RP1L1: variants seen among roughly 807,000 people sequenced by gnomAD.
The protein encoded by RP1L1 is retinitis pigmentosa 1-like 1 protein.
RP1L1 carries 27 observed loss-of-function variants against 15.7 expected under a neutral mutation model. The ratio of observed to expected loss-of-function variants is 1.72; its 90% CI spans 1.27 to 2.38. RP1L1 has a LOEUF of 2.38. Among genes scored for constraint, RP1L1 ranks in the 30% most tolerant of loss-of-function variants. RP1L1 has a pLI of 0.00. For synonymous variants in RP1L1, 1,813 were observed against 1,276.7 expected (o/e 1.42, Z -8.96); for missense variants, 4,798 against 3,075.9 (o/e 1.56, Z -13.24).
chr8:10,627,276 GACAA>G (rs1484225889), intron 1 of RP1L1, among the ~76,000 whole-genome samples: 1 of 152,132 alleles, frequency 6.6e-6, no homozygotes, highest in Non-Finnish European at 1.5e-5. Context: ...ATGCGATATA[GACAA>G]ACAAAGGAGA....
rs771342366 is a variant in RP1L1, at chr8:10,611,639, G to T, written c.2459C>A (p.Pro820His). 4 of 1,612,928 alleles carry T rather than the reference G, an allele frequency of 2.5e-6. No homozygotes were observed. Among genetic ancestry groups the T allele is most frequent in the Non-Finnish European group, 2.5e-6 (3 of 1,179,868 alleles). Residue 820 changes from proline to histidine, a missense_variant, in exon 4 of 4, where the codon CCC becomes CAC. Coordinates refer to ENST00000382483, the MANE Select transcript of RP1L1 (RefSeq NM_178857.6). The part of the protein sequence containing the change: ...VGRPEQGAVG[P>H]HRSHCCSQPG... ...CTGTGAGCAGCAGTGGCTTCGGTGG[G>T]GGCCCACCGCCCCTTGCTCAGGCCG... is the stretch of plus-strand genomic sequence containing the variant.
rs201260689 is a variant in RP1L1, at chr8:10,622,680, A to G, written c.522T>C (p.Asn174=). Residue 174 remains asparagine, a synonymous_variant, in exon 2 of 4, where the codon AAT becomes AAC. Coordinates refer to ENST00000382483, the MANE Select transcript of RP1L1 (RefSeq NM_178857.6). ...CGAGAAAGGCGGCCAGGTTCCTAGT[A>G]TTCCTGTGACTGAGAACCACTGTCT... ...LQQTVVLSHR[N]TRNLAAFLGK... The G allele has an allele frequency of 2.1e-5, 34 of 1,614,052 alleles. No homozygotes were observed. Among genetic ancestry groups the G allele is most frequent in the Non-Finnish European group, 2.6e-5 (31 of 1,180,044 alleles).
chr8:10,610,120 T>G lies in RP1L1; in HGVS notation c.3978A>C (p.Lys1326Asn). 6.3e-6 allele frequency: 9 copies of G among 1,439,362 alleles called. 2 individuals carry two copies. The highest frequency in any genetic ancestry group is 7.4e-6 in the Non-Finnish European group (8 of 1,084,648). The allele number at this position is 1,439,362 out of a possible 1,614,324, so 89.2% of individuals were successfully genotyped here. ...QEEAVQLEET[K>N]TEEGLQEEGV... ...CCTCTTCTTGCAGCCCTTCTTCTGTTTTAGTTTCCTCTAACTGCACCGCCT... is the reference window on the plus strand; with the variant it reads ...CCTCTTCTTGCAGCCCTTCTTCTGTGTTAGTTTCCTCTAACTGCACCGCCT... The change falls in exon 4 of 4, where the codon AAA becomes AAC. Residue 1326 changes from lysine to asparagine, a missense_variant. Coordinates refer to ENST00000382483, the MANE Select transcript of RP1L1 (RefSeq NM_178857.6).
At position 10,610,464 on chromosome 8, in the gene RP1L1, C is replaced by G. The variant is rs769225742; in HGVS notation, c.3634G>C (p.Glu1212Gln). 1 of 1,613,792 alleles carries G rather than the reference C, an allele frequency of 6.2e-7. No individual in the cohort carries two copies. Among genetic ancestry groups the G allele is most frequent in the East Asian group, 2.2e-5 (1 of 44,866 alleles). The part of the protein sequence containing the change: ...DISSGSGGSG[E>Q]SSVPCAMDGT... ...TCCATGGCACAGGGTACGCTACTCTCCCCTGAGCCTCCAGAGCCGCTGCTG... is the reference window on the plus strand; with the variant it reads ...TCCATGGCACAGGGTACGCTACTCTGCCCTGAGCCTCCAGAGCCGCTGCTG... The change falls in exon 4 of 4, where the codon GAG (glutamate) becomes CAG (glutamine). Residue 1212 changes from glutamate (E) to glutamine (Q), a missense_variant. Coordinates refer to ENST00000382483, the MANE Select transcript of RP1L1 (RefSeq NM_178857.6).
Position 10,617,323 on chromosome 8 carries a change from G to A in RP1L1, c.610-736C>T, listed in dbSNP as rs189487593. On this transcript the variant is annotated intron_variant, in intron 2 of 3. Transcript: ENST00000382483. Reference sequence around the variant, plus strand: ...TTGTAATGAGCAATGCTGGGGAATGGGGAATGTATTTCCATCTTTAAAGCA... The same window carrying A: ...TTGTAATGAGCAATGCTGGGGAATGAGGAATGTATTTCCATCTTTAAAGCA... Among the ~76,000 whole-genome samples the A allele has an allele frequency of 2.7e-5, 4 of 150,478 alleles. No homozygotes were observed. The East Asian group carries it at 7.8e-4, about 29-fold the overall frequency.
Position 10,613,489 on chromosome 8 carries a change from C to T in RP1L1, c.752-143G>A, listed in dbSNP as rs768687208. The T allele has an allele frequency of 7.7e-5, 97 of 1,258,354 alleles. 1 individual carries two copies. Among genetic ancestry groups the T allele is most frequent in the East Asian group, 5.9e-4 (23 of 39,028 alleles). The allele number at this position is 1,258,354 out of a possible 1,614,324, so 77.9% of individuals were successfully genotyped here. Reference sequence around the variant, plus strand: ...TCCAAAATGCACGGTGACAGCTGTGCGCGGTGGCTCAGGCCTGTAATCCAA... The same window carrying T: ...TCCAAAATGCACGGTGACAGCTGTGTGCGGTGGCTCAGGCCTGTAATCCAA... On this transcript the variant is annotated intron_variant, in intron 3 of 3. Coordinates refer to ENST00000382483, the MANE Select transcript of RP1L1 (RefSeq NM_178857.6).
rs375108865 is a variant in RP1L1 at position 10,610,036 on chromosome 8, C to T, written c.4062G>A (p.Ala1354=). ...CTGTTTCTTCAATTTCCTCTAACTG[C>T]GCCTCTTCTTCTTGCTGTCCTTCTC... ...TEGEGQQEEE[A]QLEEIEETGG... The change falls in exon 4 of 4, where the codon GCG becomes GCA. Residue 1354 remains alanine, a synonymous_variant. Transcript: ENST00000382483. 44 of 1,354,568 alleles carry T rather than the reference C, an allele frequency of 3.2e-5. No homozygotes were observed. The African/African-American group carries it at 4.1e-4, about 13-fold the overall frequency. 83.9% of individuals were successfully genotyped at this position (1,354,568 alleles called of 1,614,324 possible). A position where few individuals can be genotyped will look rare whatever the true frequency, so the allele number is the denominator to read the frequency against.
intron 2 of RP1L1, among the ~76,000 whole-genome samples, chr8:10,620,439 C>G (rs1287481252): frequency 6.6e-6 from 1 of 152,142 alleles, no homozygotes; most frequent in Admixed American, 6.5e-5. Flanking sequence ...AACTCCATCT[C>G]TACTAAAAAT....
chr8:10,617,399 C>CAAAAAAA (rs369885056), intron 2 of RP1L1, among the ~76,000 whole-genome samples: 1,239 of 75,520 alleles, frequency 0.016, 2 homozygotes, highest in East Asian at 0.026. Context: ...TGCTCATTAA[C>CAAAAAAA]AAAAAAAAAA....
At chr8:10,620,247 G>C (rs1373275976) in intron 2 of RP1L1, among the ~76,000 whole-genome samples, 1 of 152,190 alleles carries the variant, frequency 6.6e-6, no homozygotes, top group Non-Finnish European at 1.5e-5. Flanking sequence ...ATAGAAGTAA[G>C]CTGCATGGGT....
intron 3 of RP1L1, among the ~76,000 whole-genome samples, 173 bp downstream of exon 3, chr8:10,616,273 G>A (rs571133129): frequency 3.3e-5 from 5 of 152,130 alleles, no homozygotes; most frequent in African/African-American, 9.7e-5. Flanking sequence ...ACCCAAGTAA[G>A]ATTGACAGTA....
intron 1 of RP1L1, among the ~76,000 whole-genome samples, chr8:10,637,187 G>A (rs552492540): frequency 1.5e-4 from 23 of 152,320 alleles, no homozygotes; most frequent in Admixed American, 1.2e-3. Context: ...AATGCTCACA[G>A]CAAGGCTGCC....
chr8:10,639,501 T>A (rs1798378339), intron 1 of RP1L1, among the ~76,000 whole-genome samples: 1 of 152,150 alleles, frequency 6.6e-6, no homozygotes, highest in Non-Finnish European at 1.5e-5. Context: ...GTCTCCTAAG[T>A]AGCTGGGACT....
intron 1 of RP1L1, among the ~76,000 whole-genome samples, chr8:10,631,990 G>C (rs1010399354): frequency 2.0e-5 from 3 of 152,226 alleles, no homozygotes; most frequent in Non-Finnish European, 4.4e-5. Context: ...TCATTTCCTT[G>C]AGAATGTTTT....
rs372062226 is a variant in RP1L1, at chr8:10,632,199, G to C, written c.-19-8979C>G. 2.6e-5 allele frequency among the ~76,000 whole-genome samples: 4 copies of C among 152,102 alleles called. No homozygotes were observed. In the South Asian group the frequency reaches 8.3e-4, roughly 32 times the overall value. ...AACAAACAACGGGAAGCAACCAGGG[G>C]CACCAATGTCCGACTGTGGGAAATC... On this transcript the variant is annotated intron_variant, in intron 1 of 3. Transcript: ENST00000382483.
rs577927243 is a variant in RP1L1 at position 10,608,739 on chromosome 8, A to C, written c.5359T>G (p.Leu1787Val). 8.1e-6 allele frequency: 13 copies of C among 1,613,146 alleles called. No homozygotes were observed. The highest frequency in any genetic ancestry group is 1.1e-5 in the South Asian group (1 of 91,018). The stretch of plus-strand genomic sequence containing the variant: ...TCTCCCTCCTGCTCAGCTTCCCCCA[A>C]CTCACTGCCCGCACTGGTTTCACTG... ...HNSETSAGSE[L>V]GEAEQEGEGI... Residue 1787 changes from leucine to valine, a missense_variant, in exon 4 of 4, where the codon TTG (leucine) becomes GTG (valine). Coordinates refer to ENST00000382483, the MANE Select transcript of RP1L1 (RefSeq NM_178857.6).
Position 10,612,703 on chromosome 8 carries a change from C to T in RP1L1, c.1395G>A (p.Ser465=), listed in dbSNP as rs748320763. 54 of 1,603,666 alleles carry T rather than the reference C, an allele frequency of 3.4e-5. 1 individual carries two copies. In the South Asian group the frequency reaches 3.8e-4, roughly 11 times the overall value. The change falls in exon 4 of 4, where the codon TCG becomes TCA. Residue 465 remains serine (S), a synonymous_variant. Coordinates refer to ENST00000382483, the MANE Select transcript of RP1L1 (RefSeq NM_178857.6). ...TGGGGCAGCAGGAGGACTCTGGCTC[C>T]GAGCCCTCGGGGAGGCCGGTGCTGG... The part of the protein sequence containing the change: ...PASSTGLPEG[S]EPESSCCPRT...
intron 1 of RP1L1, among the ~76,000 whole-genome samples, chr8:10,631,803 G>A (rs999931717): frequency 3.3e-5 from 5 of 152,198 alleles, no homozygotes; most frequent in South Asian, 2.1e-4. Flanking sequence ...GACCAAGGGC[G>A]ATGGGTCCTG....
intron 1 of RP1L1, among the ~76,000 whole-genome samples, chr8:10,625,694 G>C (rs1798145479): frequency 6.6e-6 from 1 of 152,196 alleles, no homozygotes; most frequent in South Asian, 2.1e-4. Flanking sequence ...CCAACATTTT[G>C]CTTCTGAACC....
Sources: allele counts gnomAD v4.1 joint callset (sites outside exome capture counted in the v4.1 genomes callset), GRCh38; gene constraint gnomAD v4.1.1; transcripts MANE v1.5; gene names NCBI Gene and HGNC (gene_info 2026-07-23, HGNC 2026-07-21).